The following SLC37A2 variants were observed in gnomAD, a reference collection of about 807,000 sequenced individuals.
SLC37A2 encodes solute carrier family 37 member 2.
Under a neutral mutation model 70.7 loss-of-function variants are expected in SLC37A2, and 59 were observed. The observed-to-expected ratio is 0.83, with a 90% CI of 0.68 to 1.04. The LOEUF is 1.04. SLC37A2 is among the 50% of genes least tolerant of loss of function. SLC37A2 has a pLI of 0.00. For missense variants in SLC37A2, 580 were observed against 658.1 expected, an observed-to-expected ratio of 0.88 and a Z score of 1.30; for synonymous variants, 257 against 262.1, an observed-to-expected ratio of 0.98 and a Z score of 0.19.
At position 125,080,178 on chromosome 11, in the gene SLC37A2, A is replaced by G. The variant is rs1275729018; in HGVS notation, c.527+418A>G. ...GTCCTACCACTGCAGGCTGTTTAGT[A>G]GTAGCCTTCCTGGCATCTGCTCACT... On this transcript the variant is annotated intron_variant, in intron 6 of 17. Coordinates refer to ENST00000403796, the MANE Select transcript of SLC37A2 (RefSeq NM_001145290.2). The surrounding 1 kb of genome is among the most constrained non-coding windows in gnomAD (Gnocchi z 4.3). 6.6e-6 allele frequency among the ~76,000 whole-genome samples: 1 copy of G among 152,174 alleles called. No individual in the cohort carries two copies.
intron 8 of SLC37A2, 68 bp from the exon 9 acceptor site, chr11:125,081,686 C>G: frequency 6.6e-7 from 1 of 1,511,696 alleles, no homozygotes; most frequent in Non-Finnish European, 8.9e-7. Context: ...CTTGCCTGGG[C>G]TGCACCTTCA....
Position 125,063,732 on chromosome 11 carries a change from C to A in SLC37A2, c.59+306C>A, listed in dbSNP as rs1241131571. Among the ~76,000 whole-genome samples the A allele has an allele frequency of 6.6e-6, 1 of 152,244 alleles. No individual in the cohort carries two copies. The highest frequency in any genetic ancestry group is 2.4e-5 in the African/African-American group (1 of 41,470). ...TCCATCCTCCCCTCCTAACACACAT[C>A]CGGGGCGCCTTCAGAGCGCCTTTCT... On this transcript the variant is annotated intron_variant, in intron 1 of 17. Coordinates refer to ENST00000403796, the MANE Select transcript of SLC37A2 (RefSeq NM_001145290.2). The surrounding 1 kb of genome is among the most constrained non-coding windows in gnomAD (Gnocchi z 5.4).
At position 125,082,229 on chromosome 11, in the gene SLC37A2, TG is replaced by T; in HGVS notation, c.886-14del. The T allele has an allele frequency of 6.2e-7, 1 of 1,613,774 alleles. No individual in the cohort carries two copies. The highest frequency in any genetic ancestry group is 8.5e-7 in the Non-Finnish European group (1 of 1,179,738). On this transcript the variant is annotated splice_polypyrimidine_tract_variant and intron_variant, in intron 9 of 17. Transcript: ENST00000403796. ...TCTGGACCCCTTCCCATGTGCCCCC[TG>T]TTGCACTCCCCAGGGCGTGGTCGAG...
Position 125,077,506 on chromosome 11 carries a change from T to A in SLC37A2, c.292T>A (p.Tyr98Asn). ...GGVDNAFLIAYAIGMFISGVF... is the reference protein window; with the variant it reads ...GGVDNAFLIANAIGMFISGVF... ...CGTGGACAACGCCTTCCTCATCGCC[T>A]ATGCCATCGGCATGTTCATCAGGTA... The change falls in exon 4 of 18, where the codon TAT (tyrosine) becomes AAT (asparagine). Residue 98 changes from tyrosine to asparagine, a missense_variant. By Grantham distance (143) the Tyr-to-Asn change is moderately radical. Transcript: ENST00000403796. The A allele has an allele frequency of 6.2e-7, 1 of 1,613,818 alleles. No homozygotes were observed. Among genetic ancestry groups the A allele is most frequent in the Non-Finnish European group, 8.5e-7 (1 of 1,179,822 alleles).
At position 125,088,142 on chromosome 11, in the gene SLC37A2, A is replaced by C; in HGVS notation, c.*8A>C. 6.4e-7 allele frequency: 1 copy of C among 1,551,754 alleles called. No homozygotes were observed. The highest frequency in any genetic ancestry group is 8.7e-7 in the Non-Finnish European group (1 of 1,147,012). On this transcript the variant is annotated 3_prime_UTR_variant, in exon 18 of 18. Coordinates refer to ENST00000403796, the MANE Select transcript of SLC37A2 (RefSeq NM_001145290.2). ...AGGTATAAAGAAATATGAGGCCCCA[A>C]TTGGAACAGCAGCATGGAGGGTCCC...
chr11:125,075,975 C>T (rs544663629), intron 1 of SLC37A2, among the ~76,000 whole-genome samples: 1 of 152,132 alleles, frequency 6.6e-6, no homozygotes, highest in African/African-American at 2.4e-5. Context: ...CTGGCTGCGG[C>T]GAGGAAGCAG....
At chr11:125,072,280 C>T (rs1373600062) in intron 1 of SLC37A2, among the ~76,000 whole-genome samples, 14 of 152,176 alleles carry the variant, frequency 9.2e-5, no homozygotes, top group African/African-American at 2.9e-4. Context: ...CAGGCTCCTT[C>T]GAAAGAGTAG....
In SLC37A2 at chr11:125,084,267, C is replaced by T; in HGVS notation, c.1073C>T (p.Thr358Ile). ...GTGGCAGGGCTCGTCTCTGACTACA[C>T]CAATGGCAGGGCCACCACTTGCTGT... ...GIVAGLVSDYTNGRATTCCVM... is the reference protein window; with the variant it reads ...GIVAGLVSDYINGRATTCCVM... The change falls in exon 12 of 18, where the codon ACC becomes ATC. Residue 358 changes from threonine to isoleucine, a missense_variant. Coordinates refer to ENST00000403796, the MANE Select transcript of SLC37A2 (RefSeq NM_001145290.2). The T allele has an allele frequency of 6.2e-7, 1 of 1,614,232 alleles. No homozygotes were observed. The highest frequency in any genetic ancestry group is 8.5e-7 in the Non-Finnish European group (1 of 1,180,040).
chr11:125,081,044 T>C (rs1256731096), intron 7 of SLC37A2, among the ~76,000 whole-genome samples: 2 of 152,134 alleles, frequency 1.3e-5, no homozygotes, highest in African/African-American at 4.8e-5. Context: ...CAAGCATTGG[T>C]TGAATCTGAG....
Position 125,079,127 on chromosome 11 carries a change from G to T in SLC37A2, c.330G>T (p.Glu110Asp). The T allele has an allele frequency of 6.2e-7, 1 of 1,614,202 alleles. No individual in the cohort carries two copies. The highest frequency in any genetic ancestry group is 8.5e-7 in the Non-Finnish European group (1 of 1,180,014). ...TCTTCCCCAGTGGGGTTTTTGGGGA[G>T]CGGCTTCCGCTCCGTTACTACCTCT... ...IGMFISGVFG[E>D]RLPLRYYLSA... The change falls in exon 5 of 18, where the codon GAG (glutamate) becomes GAT (aspartate). Residue 110 changes from glutamate (E) to aspartate (D), a missense_variant. Transcript: ENST00000403796.
At chr11:125,079,967 T>A (rs986758382) in intron 6 of SLC37A2, among the ~76,000 whole-genome samples, 4 of 152,158 alleles carry the variant, frequency 2.6e-5, no homozygotes, top group African/African-American at 9.7e-5. Flanking sequence ...CTTAGTTATG[T>A]TTTTTTCTAA....
Position 125,081,898 on chromosome 11 carries a change from C to G in SLC37A2, c.877C>G (p.Arg293Gly). ...TGCCATCAGCTTCTTTGGGGCGCTCCGGATCCCAGTAAGAAGTTTGTGGAA... is the reference window on the plus strand; with the variant it reads ...TGCCATCAGCTTCTTTGGGGCGCTCGGGATCCCAGTAAGAAGTTTGTGGAA... ...PAAISFFGALRIPGVVEFSLC... is the reference protein window; with the variant it reads ...PAAISFFGALGIPGVVEFSLC... The change falls in exon 9 of 18, where the codon CGG becomes GGG. Residue 293 changes from arginine (R) to glycine (G), a missense_variant. Coordinates refer to ENST00000403796, the MANE Select transcript of SLC37A2 (RefSeq NM_001145290.2). The G allele has an allele frequency of 6.2e-7, 1 of 1,604,484 alleles. No homozygotes were observed. Among genetic ancestry groups the G allele is most frequent in the Non-Finnish European group, 8.5e-7 (1 of 1,176,588 alleles).
intron 8 of SLC37A2, 41 bp downstream of exon 8, chr11:125,081,499 T>G: frequency 1.3e-6 from 2 of 1,587,932 alleles, no homozygotes; most frequent in Non-Finnish European, 1.7e-6. Flanking sequence ...GCCCTCCAAC[T>G]CCATCCAGAG....
intron 15 of SLC37A2, 36 bp downstream of exon 15, chr11:125,085,509 A>T (rs1285121394): frequency 6.2e-7 from 1 of 1,613,568 alleles, no homozygotes; most frequent in Admixed American, 1.7e-5. Flanking sequence ...GCCGGCCCCT[A>T]GGCATAGTGC....
rs1376845983 is a variant in SLC37A2, at chr11:125,083,801, T to C, written c.977-14T>C. ...CAAACCCCAGGTCTGACCACATACC[T>C]GTATTTTCCACAGCTCACTTTAGTG... On this transcript the variant is annotated splice_polypyrimidine_tract_variant and intron_variant, in intron 10 of 17. Coordinates refer to ENST00000403796, the MANE Select transcript of SLC37A2 (RefSeq NM_001145290.2). The surrounding 1 kb of genome is among the most constrained non-coding windows in gnomAD (Gnocchi z 4.6). The C allele has an allele frequency of 1.2e-6, 2 of 1,613,368 alleles. No homozygotes were observed. Among genetic ancestry groups the C allele is most frequent in the Non-Finnish European group, 1.7e-6 (2 of 1,179,408 alleles).
intron 1 of SLC37A2, among the ~76,000 whole-genome samples, chr11:125,076,034 G>T (rs941126056): frequency 1.3e-5 from 2 of 151,876 alleles, no homozygotes; most frequent in Non-Finnish European, 2.9e-5. Context: ...CTCAGGCTTG[G>T]GGAGCGGCCG....
At chr11:125,075,452 G>T (rs764995575) in intron 1 of SLC37A2, among the ~76,000 whole-genome samples, 4 of 152,262 alleles carry the variant, frequency 2.6e-5, no homozygotes, top group Admixed American at 2.6e-4. Flanking sequence ...CCACATGTGT[G>T]CCTTTGGGAA....
intron 17 of SLC37A2, 82 bp from the exon 18 acceptor site, chr11:125,088,037 C>A: frequency 1.3e-6 from 2 of 1,483,078 alleles, no homozygotes; most frequent in Non-Finnish European, 9.2e-7. Flanking sequence ...ACCCTGGGAC[C>A]CTGCCTTTCC....
chr11:125,085,430 C>T lies in SLC37A2; in HGVS notation c.1284C>T (p.Ala428=), dbSNP rs762784992. The change falls in exon 15 of 18, where the codon GCC becomes GCT. Residue 428 remains alanine (A), a synonymous_variant. Coordinates refer to ENST00000403796, the MANE Select transcript of SLC37A2 (RefSeq NM_001145290.2). ...AGAGCCTGAAGGGCAACGCCAAAGC[C>T]CTGTCCACGGTCACGGCCATCATTG... The part of the protein sequence containing the change: ...THKSLKGNAK[A]LSTVTAIIDG... 1 of 1,614,036 alleles carries T rather than the reference C, an allele frequency of 6.2e-7. No homozygotes were observed. The highest frequency in any genetic ancestry group is 1.1e-5 in the South Asian group (1 of 91,066).
Sources: allele counts gnomAD v4.1 joint callset (sites outside exome capture counted in the v4.1 genomes callset), GRCh38; gene constraint gnomAD v4.1.1; non-coding constraint Gnocchi (gnomAD v3.1); transcripts MANE v1.5; gene names NCBI Gene and HGNC (gene_info 2026-07-23, HGNC 2026-07-21).